Variants in TLK1 observed in about 807,000 individuals in gnomAD.
TLK1 encodes the protein serine/threonine-protein kinase tousled-like 1.
A neutral mutation model predicts 105.3 loss-of-function variants in TLK1; 24 were observed. The observed-to-expected ratio is 0.23, with a 90% confidence interval of 0.17 to 0.32. The LOEUF (loss-of-function observed/expected upper bound fraction) is 0.32, where lower values mean the gene tolerates loss of function less well. Among genes scored for constraint, TLK1 ranks in the 10% least tolerant of loss-of-function variants. The probability of loss-of-function intolerance (pLI) is 1.00; values close to 1 mark genes in which losing one functional copy is unlikely to be tolerated. For missense variants in TLK1, 558 were observed against 910.5 expected (o/e 0.61, Z 4.98); for synonymous variants, 321 against 310.4 (o/e 1.03, Z -0.36).
intron 2 of TLK1, among the ~76,000 whole-genome samples, chr2:171,089,760 G>C (rs1558935971): frequency 6.6e-6 from 1 of 152,060 alleles, no homozygotes; most frequent in Non-Finnish European, 1.5e-5. Context: ...CTGCACCCTC[G>C]AACTCCTGGG....
At chr2:171,057,098 C>A (rs934024317) in intron 5 of TLK1, among the ~76,000 whole-genome samples, 1 of 152,026 alleles carries the variant, frequency 6.6e-6, no homozygotes, top group African/African-American at 2.4e-5. Context: ...AAAATCAATT[C>A]TTCTGTACAA....
chr2:171,061,444 A>G (rs1687743514), intron 3 of TLK1, among the ~76,000 whole-genome samples: 1 of 152,184 alleles, frequency 6.6e-6, no homozygotes, highest in Admixed American at 6.5e-5. Context: ...TTAAAAGATG[A>G]CCTTCAAATG....
chr2:171,015,853 C>A (rs79942781), intron 12 of TLK1, among the ~76,000 whole-genome samples: 2 of 151,550 alleles, frequency 1.3e-5, no homozygotes, highest in African/African-American at 4.8e-5. Flanking sequence ...CTGTGGCGGG[C>A]GGATCACCTG....
intron 5 of TLK1, among the ~76,000 whole-genome samples, chr2:171,057,440 G>A (rs148758606): frequency 9.1e-4 from 139 of 152,026 alleles, no homozygotes; most frequent in African/African-American, 3.1e-3. Context: ...TGAATTCATC[G>A]TACCTTTGGC....
chr2:171,107,576 C>T (rs569309755), intron 2 of TLK1, among the ~76,000 whole-genome samples: 14 of 152,218 alleles, frequency 9.2e-5, no homozygotes, highest in East Asian at 3.9e-4. Context: ...TTAAAATGAA[C>T]CAGGAATCCT....
At position 171,006,195 on chromosome 2, in the gene TLK1, T is replaced by C. The variant is rs199674605; in HGVS notation, c.1856A>G (p.Tyr619Cys). 4.3e-6 allele frequency: 7 copies of C among 1,611,356 alleles called. No homozygotes were observed. Among genetic ancestry groups the C allele is most frequent in the East Asian group, 2.2e-5 (1 of 44,812 alleles). The change falls in exon 18 of 21, where the codon TAT becomes TGT. Residue 619 changes from tyrosine to cysteine, a missense_variant. Around this residue, in one of 5 missense-constraint regions of TLK1, gnomAD observed 218 missense variants for 492.9 expected, o/e 0.44. Transcript: ENST00000431350. ...AGTTAGATCCATTCCATCTACACCA[T>C]AGCTATCATCATCCATAATCTTGGA... ...GLSKIMDDDS[Y>C]GVDGMDLTSQ...
intron 2 of TLK1, among the ~76,000 whole-genome samples, chr2:171,107,393 A>C (rs1689974359): frequency 1.3e-5 from 2 of 152,236 alleles, no homozygotes; most frequent in Admixed American, 6.5e-5. Context: ...TACTAAATGT[A>C]AATGTCCAAT....
chr2:171,063,602 T>C (rs763896639), intron 3 of TLK1, among the ~76,000 whole-genome samples: 30 of 152,206 alleles, frequency 2.0e-4, no homozygotes, highest in Non-Finnish European at 3.8e-4. Flanking sequence ...GAAACAGTTG[T>C]ATTGGAAACA....
At chr2:171,049,461 A>T (rs1196302561) in intron 10 of TLK1, among the ~76,000 whole-genome samples, 1 of 152,170 alleles carries the variant, frequency 6.6e-6, no homozygotes, top group Non-Finnish European at 1.5e-5. Flanking sequence ...AATGGGAAAA[A>T]ACTAAGTAGG....
At chr2:171,124,192 C>T (rs972757547) in intron 1 of TLK1, among the ~76,000 whole-genome samples, 1 of 152,228 alleles carries the variant, frequency 6.6e-6, no homozygotes, top group Non-Finnish European at 1.5e-5. Flanking sequence ...GAATGACAAT[C>T]TAACTTCTTT....
chr2:171,125,269 G>GAACTATGTCCA, intron 1 of TLK1, among the ~76,000 whole-genome samples: 1 of 152,064 alleles, frequency 6.6e-6, no homozygotes, highest in East Asian at 1.9e-4. Context: ...CTCAGAGTTG[G>GAACTATGTCCA]ACATAGTGTA....
intron 12 of TLK1, among the ~76,000 whole-genome samples, chr2:171,016,010 G>A (rs1449089076): frequency 6.6e-6 from 1 of 152,018 alleles, no homozygotes; most frequent in African/African-American, 2.4e-5. Flanking sequence ...CCTGGGAAGT[G>A]GAAGTTGCAG....
At chr2:171,030,021 C>G (rs993468154) in intron 11 of TLK1, among the ~76,000 whole-genome samples, 3 of 152,204 alleles carry the variant, frequency 2.0e-5, no homozygotes, top group African/African-American at 7.2e-5. Flanking sequence ...GCTGGGATTA[C>G]AAGTGTGAGC....
intron 2 of TLK1, among the ~76,000 whole-genome samples, chr2:171,099,959 T>A (rs1383911170): frequency 6.6e-6 from 1 of 152,188 alleles, no homozygotes; most frequent in East Asian, 1.9e-4. Context: ...AGCAATGATT[T>A]CTTAGATATG....
At chr2:171,097,035 T>A (rs758007243) in intron 2 of TLK1, among the ~76,000 whole-genome samples, 9 of 152,044 alleles carry the variant, frequency 5.9e-5, no homozygotes, top group Middle Eastern at 3.2e-3. Context: ...CAAAACTGAG[T>A]AAGCACAAAG....
chr2:171,053,792 T>C lies in TLK1; in HGVS notation c.701A>G (p.Lys234Arg), dbSNP rs1307338341. 2.5e-6 allele frequency: 4 copies of C among 1,610,550 alleles called. No individual in the cohort carries two copies. The South Asian group carries it at 3.3e-5, about 13-fold the overall frequency. ...LESNKIQDLE[K>R]KEGRIDDLLR... ...CAAATCATCTATACGTCCCTCCTTCTTTTCCAGGTCCTGGATTTTATTACT... is the reference window on the plus strand; with the variant it reads ...CAAATCATCTATACGTCCCTCCTTCCTTTCCAGGTCCTGGATTTTATTACT... Residue 234 changes from lysine to arginine, a missense_variant, in exon 8 of 21, where the codon AAG (lysine) becomes AGG (arginine). By Grantham distance (26) the Lys-to-Arg change is conservative. Transcript: ENST00000431350.
chr2:171,120,489 A>G (rs1013341087), intron 1 of TLK1, among the ~76,000 whole-genome samples: 7 of 152,212 alleles, frequency 4.6e-5, no homozygotes, highest in African/African-American at 1.4e-4. Flanking sequence ...AGACTGGAAT[A>G]CAAATTTTTC....
At chr2:171,184,449 C>A (rs866341708) in intron 1 of TLK1, among the ~76,000 whole-genome samples, 1 of 152,022 alleles carries the variant, frequency 6.6e-6, no homozygotes, top group African/African-American at 2.4e-5. Flanking sequence ...TTGAGACCAG[C>A]CTGACCAACA....
At chr2:171,032,513 A>G (rs1324328206) in intron 11 of TLK1, among the ~76,000 whole-genome samples, 2 of 152,232 alleles carry the variant, frequency 1.3e-5, no homozygotes, top group Admixed American at 6.5e-5. Context: ...AAAAGAATAT[A>G]ATACCTAGGA....
Sources: allele counts gnomAD v4.1 joint callset (sites outside exome capture counted in the v4.1 genomes callset), GRCh38; gene constraint gnomAD v4.1.1; regional missense constraint gnomAD v4.1.1; transcripts MANE v1.5; gene names NCBI Gene and HGNC (gene_info 2026-07-23, HGNC 2026-07-21).